DNAH5: variants seen among roughly 807,000 people sequenced by gnomAD.
DNAH5 encodes the protein axonemal beta dynein heavy chain 5.
A neutral mutation model predicts 518.2 loss-of-function variants in DNAH5; 372 were observed. The ratio of observed to expected loss-of-function variants is 0.72; its 90% confidence interval spans 0.66 to 0.78. The LOEUF is 0.78. Ranked by LOEUF, DNAH5 falls within the 30% of genes least tolerant of loss-of-function variation. The pLI is 0.00. For missense variants in DNAH5, 5,523 were observed against 5,687.0 expected, an observed-to-expected ratio of 0.97 and a Z score of 0.93; for synonymous variants, 2,039 against 2,025.9, an observed-to-expected ratio of 1.01 and a Z score of -0.17.
At chr5:13,797,853 A>T (rs977308899) in intron 47 of DNAH5, among the ~76,000 whole-genome samples, 3 of 152,206 alleles carry the variant, frequency 2.0e-5, no homozygotes, top group Admixed American at 2.0e-4. Flanking sequence ...GCACATATAC[A>T]CCATGGAATA....
intron 47 of DNAH5, among the ~76,000 whole-genome samples, chr5:13,800,560 C>A (rs1175609620): frequency 6.6e-6 from 1 of 152,142 alleles, no homozygotes; most frequent in Non-Finnish European, 1.5e-5. Context: ...CAACAGTAGG[C>A]CCCCATTCCA....
At chr5:13,954,837 T>C (rs1457309696) in intron 1 of DNAH5, among the ~76,000 whole-genome samples, 1 of 152,212 alleles carries the variant, frequency 6.6e-6, no homozygotes, top group Non-Finnish European at 1.5e-5. Flanking sequence ...ACTCTTTCTC[T>C]TTTAACCTCC....
intron 7 of DNAH5, 96 bp downstream of exon 7, chr5:13,919,080 A>G: frequency 1.4e-6 from 2 of 1,449,048 alleles, no homozygotes; most frequent in Non-Finnish European, 1.9e-6. Flanking sequence ...TCAAGGTATA[A>G]TAACATTTTT....
At position 13,870,773 on chromosome 5, in the gene DNAH5, A is replaced by C. The variant is rs1266421281; in HGVS notation, c.3828T>G (p.Pro1276=). 1.2e-6 allele frequency: 2 copies of C among 1,611,780 alleles called. No individual in the cohort carries two copies. The highest frequency in any genetic ancestry group is 2.2e-5 in the South Asian group (2 of 91,030). The change falls in exon 24 of 79, where the codon CCT becomes CCG. Residue 1276 remains proline (P), a synonymous_variant. Transcript: ENST00000265104. ...ACAAATGATCATTAGTTACCTCAAT[A>C]GGTCCTACTTGAAAGTCAATGGAGA... ...EQISIDFQVG[P]IEESYALLNR... is the part of the protein sequence containing the mutation.
rs994992319 is a variant in DNAH5, at chr5:13,793,499, T to C, written c.8224+16A>G. 6.2e-7 allele frequency: 1 copy of C among 1,600,270 alleles called. No individual in the cohort carries two copies. Reference sequence around the variant, plus strand: ...TTCTTCCTCACCCTCCCACCCCACATCCTCTTGATCTTTACCAAAGATCTT... The same window carrying C: ...TTCTTCCTCACCCTCCCACCCCACACCCTCTTGATCTTTACCAAAGATCTT... On this transcript the variant is annotated intron_variant, in intron 49 of 78. Transcript: ENST00000265104.
At chr5:13,972,418 T>G (rs1395430938) in intron 1 of DNAH5, among the ~76,000 whole-genome samples, 1 of 152,184 alleles carries the variant, frequency 6.6e-6, no homozygotes, top group Non-Finnish European at 1.5e-5. Context: ...CTCCCTGTGG[T>G]CTTTCCCCAA....
At position 13,876,556 on chromosome 5, in the gene DNAH5, A is replaced by T. The variant is rs565589959; in HGVS notation, c.3396+128T>A. The T allele has an allele frequency of 4.8e-4, 547 of 1,149,268 alleles. 4 individuals are homozygous for T. The East Asian group carries it at 0.011, about 23-fold the overall frequency. 71.2% of individuals were successfully genotyped at this position (1,149,268 alleles called of 1,614,324 possible). On this transcript the variant is annotated intron_variant, in intron 22 of 78. Transcript: ENST00000265104. ...TTAGACAAACATTTGCTGAGCACAT[A>T]CAAGATGCTCCCTGAAAGCACAGTG...
intron 12 of DNAH5, among the ~76,000 whole-genome samples, chr5:13,902,794 G>C (rs1049305512): frequency 1.3e-5 from 2 of 152,014 alleles, no homozygotes; most frequent in Non-Finnish European, 2.9e-5. Context: ...GAAATGAAAG[G>C]GATATAACCC....
At chr5:13,754,582 A>C (rs1373756869) in intron 61 of DNAH5, among the ~76,000 whole-genome samples, 1 of 152,052 alleles carries the variant, frequency 6.6e-6, no homozygotes, top group African/African-American at 2.4e-5. Flanking sequence ...CTTGTTACCC[A>C]GGCTGCAGTG....
intron 29 of DNAH5, among the ~76,000 whole-genome samples, chr5:13,861,952 C>CAAAAAAAAAA (rs59674964): frequency 2.0e-5 from 1 of 49,514 alleles, no homozygotes. Flanking sequence ...GATTCCATCT[C>CAAAAAAAAAA]AAAAAAAAAA....
At chr5:13,941,768 A>C (rs1779481471) in intron 1 of DNAH5, among the ~76,000 whole-genome samples, 1 of 152,230 alleles carries the variant, frequency 6.6e-6, no homozygotes. Context: ...GAGCAACAGC[A>C]TTCCCTAACA....
intron 12 of DNAH5, among the ~76,000 whole-genome samples, chr5:13,910,483 T>C (rs960026318): frequency 6.6e-6 from 1 of 152,176 alleles, no homozygotes; most frequent in Admixed American, 6.5e-5. Flanking sequence ...TCCTTTTACT[T>C]TGAAGTGCAC....
intron 55 of DNAH5, chr5:13,771,283 T>G: frequency 2.5e-6 from 1 of 399,828 alleles, no homozygotes; most frequent in Admixed American, 3.8e-5. Flanking sequence ...CAACCTGTTT[T>G]ATGGTTTACA....
intron 76 of DNAH5, among the ~76,000 whole-genome samples, chr5:13,706,620 C>A (rs1212431664): frequency 6.6e-6 from 1 of 152,174 alleles, no homozygotes; most frequent in Non-Finnish European, 1.5e-5. Context: ...AAATACAGAA[C>A]AAAGAGAAGA....
At chr5:13,795,922 C>T (rs900772841) in intron 47 of DNAH5, among the ~76,000 whole-genome samples, 2 of 152,084 alleles carry the variant, frequency 1.3e-5, no homozygotes, top group African/African-American at 4.8e-5. Flanking sequence ...TGTAATCCAG[C>T]ATATAAACAG....
chr5:13,720,369 C>T (rs1355284481), intron 71 of DNAH5, among the ~76,000 whole-genome samples: 3 of 152,086 alleles, frequency 2.0e-5, no homozygotes, highest in Non-Finnish European at 4.4e-5. Flanking sequence ...AGAAGTGAAC[C>T]CTGACCTGAG....
At chr5:13,986,002 G>A (rs1031445482) in intron 1 of DNAH5, among the ~76,000 whole-genome samples, 1 of 152,216 alleles carries the variant, frequency 6.6e-6, no homozygotes, top group Non-Finnish European at 1.5e-5. Context: ...CAGTTGTCAT[G>A]AGGATGATTA....
At chr5:13,883,212 G>T (rs964480947) in intron 19 of DNAH5, 118 bp from the exon 20 acceptor site, 3 of 1,104,702 alleles carry the variant, frequency 2.7e-6, no homozygotes, top group African/African-American at 3.1e-5. Context: ...ATAAATATTT[G>T]TTGAATGAAT....
intron 70 of DNAH5, among the ~76,000 whole-genome samples, chr5:13,722,444 G>C (rs1745180225): frequency 1.3e-5 from 2 of 152,200 alleles, no homozygotes; most frequent in African/African-American, 2.4e-5. Flanking sequence ...GTTACAATGA[G>C]AGAGAAGTGG....
Sources: allele counts gnomAD v4.1 joint callset (sites outside exome capture counted in the v4.1 genomes callset), GRCh38; gene constraint gnomAD v4.1.1; transcripts MANE v1.5; gene names NCBI Gene and HGNC (gene_info 2026-07-23, HGNC 2026-07-21).